The following SKI variants were observed in gnomAD, a reference collection of about 807,000 sequenced individuals.
SKI encodes the protein ski oncogene.
A neutral mutation model predicts 59.3 loss-of-function variants in SKI; 23 were observed. The observed-to-expected ratio is 0.39, with a 90% CI of 0.28 to 0.55. SKI has a LOEUF of 0.55. SKI is among the 20% of genes least tolerant of loss of function. SKI has a pLI of 0.67. For missense variants in SKI, 1,017 were observed against 1,038.9 expected, an observed-to-expected ratio of 0.98 and a Z score of 0.29; for synonymous variants, 673 against 488.6, an observed-to-expected ratio of 1.38 and a Z score of -4.98.
At chr1:2,234,833 C>T (rs1216916062) in intron 1 of SKI, among the ~76,000 whole-genome samples, 2 of 152,214 alleles carry the variant, frequency 1.3e-5, no homozygotes, top group Non-Finnish European at 2.9e-5. Flanking sequence ...TCCCTAATAT[C>T]TGGGAGAGCT....
Position 2,233,300 on chromosome 1 carries a change from C to T in SKI, c.969+3565C>T, listed in dbSNP as rs376875895. 2.1e-3 allele frequency among the ~76,000 whole-genome samples: 187 copies of T among 87,132 alleles called. 1 individual carries two copies. The highest frequency in any genetic ancestry group is 7.7e-3 in the African/African-American group (175 of 22,820). 57.2% of individuals were successfully genotyped at this position (87,132 alleles called of 152,430 possible). On this transcript the variant is annotated intron_variant, in intron 1 of 6. Coordinates refer to ENST00000378536, the MANE Select transcript of SKI (RefSeq NM_003036.4). ...AGGGGGCCAGGGTCCTGTTCTGGGC[C>T]GGGGGTCCTGCTCCGAGGGGGCCGG...
At chr1:2,279,284 T>C (rs1260032677) in intron 1 of SKI, among the ~76,000 whole-genome samples, 1 of 152,100 alleles carries the variant, frequency 6.6e-6, no homozygotes, top group Admixed American at 6.5e-5. Flanking sequence ...GGCTGAGGGG[T>C]GGAAGGGGCG....
chr1:2,285,042 G>A (rs972322669), intron 1 of SKI, among the ~76,000 whole-genome samples: 2 of 152,186 alleles, frequency 1.3e-5, no homozygotes, highest in Admixed American at 6.5e-5. Flanking sequence ...TGGGCCACCA[G>A]GGTATCTGGA....
At chr1:2,302,604 G>T (rs1434875771) in intron 1 of SKI, among the ~76,000 whole-genome samples, 1 of 115,382 alleles carries the variant, frequency 8.7e-6, no homozygotes, top group Non-Finnish European at 2.2e-5. Context: ...GGTTTGGCAG[G>T]AGAAGGACGA....
intron 1 of SKI, among the ~76,000 whole-genome samples, chr1:2,301,642 C>T (rs371494552): frequency 1.3e-5 from 2 of 152,300 alleles, no homozygotes; most frequent in East Asian, 1.9e-4. Context: ...GAAGCAGGGT[C>T]CCTGCTGCCT....
At chr1:2,278,901 G>A (rs939937888) in intron 1 of SKI, among the ~76,000 whole-genome samples, 4 of 152,208 alleles carry the variant, frequency 2.6e-5, no homozygotes, top group African/African-American at 9.6e-5. Flanking sequence ...GGGCCCGAGT[G>A]CTTGCGCACC....
At chr1:2,241,407 C>G (rs1638867118) in intron 1 of SKI, among the ~76,000 whole-genome samples, 1 of 151,298 alleles carries the variant, frequency 6.6e-6, no homozygotes, top group South Asian at 2.1e-4. Flanking sequence ...TTTTTTTTTT[C>G]TTTGAGACTG....
intron 1 of SKI, among the ~76,000 whole-genome samples, chr1:2,289,869 G>A (rs1481914096): frequency 6.6e-6 from 1 of 152,104 alleles, no homozygotes; most frequent in Non-Finnish European, 1.5e-5. Context: ...GGCTGACTGG[G>A]CAGAGGGAAG....
intron 1 of SKI, among the ~76,000 whole-genome samples, chr1:2,271,059 G>T (rs947035682): frequency 9.2e-5 from 14 of 152,222 alleles, no homozygotes; most frequent in African/African-American, 1.7e-4. Flanking sequence ...GGTCTGTGGG[G>T]GTTGGAGGGA....
At position 2,229,366 on chromosome 1, in the gene SKI, G is replaced by T; in HGVS notation, c.600G>T (p.Lys200Asn). The change falls in exon 1 of 7, where the codon AAG becomes AAT. Residue 200 changes from lysine to asparagine, a missense_variant. Transcript: ENST00000378536. The surrounding 1 kb of genome is among the most constrained non-coding windows in gnomAD (Gnocchi z 6.3). The part of the protein sequence containing the change: ...LYGGAYPPPC[K>N]KELAASLALG... ...GCGGCGCCTACCCGCCGCCCTGCAA[G>T]AAGGAGCTGGCCGCCAGCCTGGCGC... 1 of 1,600,096 alleles carries T rather than the reference G, an allele frequency of 6.2e-7. No individual in the cohort carries two copies. Among genetic ancestry groups the T allele is most frequent in the South Asian group, 1.1e-5 (1 of 89,828 alleles).
chr1:2,275,186 G>A (rs927966240), intron 1 of SKI, among the ~76,000 whole-genome samples: 3 of 152,226 alleles, frequency 2.0e-5, no homozygotes, highest in South Asian at 2.1e-4. Context: ...AGATGTGTTC[G>A]CGGGGTCCTG....
intron 1 of SKI, among the ~76,000 whole-genome samples, chr1:2,274,856 G>A (rs781276782): frequency 1.3e-5 from 2 of 152,212 alleles, no homozygotes; most frequent in African/African-American, 4.8e-5. Flanking sequence ...TTTCCCGGCC[G>A]CCACGGCCCC....
chr1:2,285,342 A>G (rs1054302217), intron 1 of SKI, among the ~76,000 whole-genome samples: 20 of 151,924 alleles, frequency 1.3e-4, no homozygotes, highest in African/African-American at 4.8e-4. Flanking sequence ...GTGAAACCCA[A>G]TCTCTACTGA....
At chr1:2,237,085 C>T (rs1330402154) in intron 1 of SKI, among the ~76,000 whole-genome samples, 1 of 152,172 alleles carries the variant, frequency 6.6e-6, no homozygotes, top group Non-Finnish European at 1.5e-5. Flanking sequence ...TAACTGGGTT[C>T]TTGTGTGGCC....
In SKI at chr1:2,310,003, G is replaced by A. The variant is rs1640711845; in HGVS notation, c.*3238G>A. The A allele has an allele frequency of 6.9e-6, 1 of 145,650 alleles. No homozygotes were observed. 9.0% of individuals were successfully genotyped at this position (145,650 alleles called of 1,614,324 possible). On this transcript the variant is annotated 3_prime_UTR_variant, in exon 7 of 7. Transcript: ENST00000378536. ...TAACATCACCCAGACCCCCGCCCCT[G>A]CCCGTGCCCCACGCTGCTGCTAACG...
rs772192813 is a variant in SKI, at chr1:2,229,069, C to T, written c.303C>T (p.Cys101=). The T allele has an allele frequency of 8.1e-6, 13 of 1,607,464 alleles. No individual in the cohort carries two copies. The highest frequency in any genetic ancestry group is 8.5e-6 in the Non-Finnish European group (10 of 1,179,806). ...CGTCCGACCGCTCCACCGAGCGCTG[C>T]GAGACCGTACTGGAAGGCGAGACCA... ...FMPSDRSTER[C]ETVLEGETIS... is the part of the protein sequence containing the mutation. Residue 101 remains cysteine (C), a synonymous_variant, in exon 1 of 7, where the codon TGC becomes TGT. Transcript: ENST00000378536. The surrounding 1 kb of genome is among the most constrained non-coding windows in gnomAD (Gnocchi z 6.3).
intron 1 of SKI, among the ~76,000 whole-genome samples, chr1:2,249,676 A>G (rs1287522280): frequency 1.3e-5 from 2 of 152,190 alleles, no homozygotes; most frequent in African/African-American, 4.8e-5. Flanking sequence ...GCCAGCACAG[A>G]GGGCTCACGG....
intron 1 of SKI, among the ~76,000 whole-genome samples, chr1:2,230,623 C>G (rs997599347): frequency 3.9e-5 from 6 of 152,172 alleles, no homozygotes; most frequent in Non-Finnish European, 8.8e-5. Flanking sequence ...TCTATGGGAT[C>G]CGGCATGGGC....
rs372475723 is a variant in SKI, at chr1:2,304,073, C to T, written c.1445C>T (p.Ala482Val). The T allele has an allele frequency of 5.6e-6, 9 of 1,612,452 alleles. No individual in the cohort carries two copies. The highest frequency in any genetic ancestry group is 4.0e-5 in the African/African-American group (3 of 74,922). The change falls in exon 4 of 7, where the codon GCG (alanine) becomes GTG (valine). Residue 482 changes from alanine (A) to valine (V), a missense_variant. Physicochemically the swap from Ala to Val is moderately conservative, Grantham distance 64 (BLOSUM62 0). Transcript: ENST00000378536. ...AAPEEDKDSE[A>V]EVEVESREEF... ...CCAGAGGAGGACAAGGACTCGGAGG[C>T]GGAGGTGGAAGTTGAAAGCAGGGAG...
Sources: gnomAD v4.1 joint callset for allele counts (sites outside exome capture counted in the v4.1 genomes callset) on GRCh38, gnomAD v4.1.1 for gene constraint, Gnocchi (gnomAD v3.1) non-coding constraint, MANE v1.5 for transcripts, NCBI Gene and HGNC (gene_info 2026-07-23, HGNC 2026-07-21) for gene names.